AK5: variants seen among roughly 807,000 people sequenced by gnomAD.
AK5 encodes adenylate kinase isoenzyme 5.
Under a neutral mutation model 69.5 loss-of-function variants are expected in AK5, and 27 were observed. That is an observed-to-expected ratio of 0.39 (90% confidence interval 0.29 to 0.54). The LOEUF (loss-of-function observed/expected upper bound fraction) is 0.54, where lower values mean the gene tolerates loss of function less well. Among genes scored for constraint, AK5 ranks in the 20% least tolerant of loss-of-function variants. The probability of loss-of-function intolerance (pLI) is 0.71; values close to 1 mark genes in which losing one functional copy is unlikely to be tolerated. For missense variants in AK5, 531 were observed against 700.4 expected, an observed-to-expected ratio of 0.76 and a Z score of 2.73; for synonymous variants, 260 against 244.4, an observed-to-expected ratio of 1.06 and a Z score of -0.60.
chr1:77,464,295 G>A (rs969823124), intron 8 of AK5, among the ~76,000 whole-genome samples: 1 of 152,106 alleles, frequency 6.6e-6, no homozygotes, highest in Non-Finnish European at 1.5e-5. Flanking sequence ...GAAGAGGAGG[G>A]GCCAGGCTCC....
intron 5 of AK5, among the ~76,000 whole-genome samples, chr1:77,327,631 A>G (rs1050112004): frequency 6.6e-6 from 1 of 152,228 alleles, no homozygotes; most frequent in Non-Finnish European, 1.5e-5. Context: ...AGGCAGGCAT[A>G]GCTCACCCCA....
chr1:77,558,035 T>TTTAAG (rs112286280), intron 13 of AK5, among the ~76,000 whole-genome samples: 3,353 of 152,232 alleles, frequency 0.022, 85 homozygotes, highest in South Asian at 0.1. Context: ...GTAATATATA[T>TTTAAG]TTAAGTTTAG....
intron 13 of AK5, among the ~76,000 whole-genome samples, chr1:77,541,911 C>T (rs1659293945): frequency 2.0e-5 from 3 of 152,194 alleles, no homozygotes; most frequent in Non-Finnish European, 4.4e-5. Context: ...TGTGGACAGG[C>T]AGCTGGGGTC....
intron 1 of AK5, among the ~76,000 whole-genome samples, chr1:77,286,381 A>T (rs1295100080): frequency 2.0e-5 from 3 of 149,576 alleles, no homozygotes; most frequent in Admixed American, 1.4e-4. Context: ...TAGTTGCCTG[A>T]ATTGCTTAAG....
At chr1:77,321,716 A>G (rs1405877930) in intron 5 of AK5, among the ~76,000 whole-genome samples, 1 of 152,176 alleles carries the variant, frequency 6.6e-6, no homozygotes, top group African/African-American at 2.4e-5. Context: ...GGCTTTTACC[A>G]TTTCTATTTA....
intron 1 of AK5, chr1:77,282,973 G>A (rs41292256): frequency 0.022 from 21,283 of 985,580 alleles, 279 homozygotes; most frequent in Non-Finnish European, 0.023. Context: ...TCCTGAGCAC[G>A]TTTTTCCCGT....
chr1:77,483,462 AC>A, intron 9 of AK5, 103 bp downstream of exon 9: 1 of 941,242 alleles, frequency 1.1e-6, no homozygotes, highest in Non-Finnish European at 1.7e-6. Context: ...TAACAGCATC[AC>A]TTTTTCCTTG....
intron 12 of AK5, among the ~76,000 whole-genome samples, chr1:77,522,567 A>G (rs371592310): frequency 8.5e-5 from 13 of 152,088 alleles, no homozygotes; most frequent in African/African-American, 3.1e-4. Context: ...AATCAGAACT[A>G]CACACCACCC....
At chr1:77,554,771 A>ATTTTTTTTTTTTTT (rs1230738530) in intron 13 of AK5, among the ~76,000 whole-genome samples, 1 of 119,688 alleles carries the variant, frequency 8.4e-6, no homozygotes, top group Non-Finnish European at 1.7e-5. Flanking sequence ...ATGCCCGGCT[A>ATTTTTTTTTTTTTT]TTTTTTTTTT....
chr1:77,506,859 C>T (rs980761391), intron 10 of AK5, among the ~76,000 whole-genome samples: 4 of 152,078 alleles, frequency 2.6e-5, no homozygotes, highest in Non-Finnish European at 5.9e-5. Context: ...ATTAGTTGGG[C>T]GTGGTGGCAC....
intron 5 of AK5, among the ~76,000 whole-genome samples, chr1:77,312,300 G>A (rs1660004560): frequency 6.6e-6 from 1 of 152,162 alleles, no homozygotes; most frequent in East Asian, 1.9e-4. Flanking sequence ...TATCAACTCT[G>A]CCTTCTAAGA....
At chr1:77,386,983 C>T (rs765538247) in intron 6 of AK5, among the ~76,000 whole-genome samples, 13 of 152,090 alleles carry the variant, frequency 8.5e-5, no homozygotes, top group African/African-American at 1.9e-4. Flanking sequence ...CTCAAGATAA[C>T]GACCTCCAGT....
At chr1:77,481,997 T>C (rs1655281262) in intron 8 of AK5, among the ~76,000 whole-genome samples, 2 of 152,222 alleles carry the variant, frequency 1.3e-5, no homozygotes, top group East Asian at 1.9e-4. Context: ...TCTGTACTTA[T>C]ATGGAAATTT....
intron 10 of AK5, among the ~76,000 whole-genome samples, chr1:77,492,603 A>G (rs1172280157): frequency 6.6e-6 from 1 of 152,232 alleles, no homozygotes; most frequent in Non-Finnish European, 1.5e-5. Flanking sequence ...GTGCCTTTCC[A>G]AGCAAATAAC....
intron 3 of AK5, 110 bp from the exon 4 acceptor site, chr1:77,297,449 C>A: frequency 1.0e-6 from 1 of 984,416 alleles, no homozygotes; most frequent in Non-Finnish European, 1.5e-6. Flanking sequence ...AACTGTTAAC[C>A]ACCCTGTCTT....
chr1:77,495,137 C>T (rs962355405), intron 10 of AK5, among the ~76,000 whole-genome samples: 6 of 152,106 alleles, frequency 3.9e-5, no homozygotes, highest in African/African-American at 1.4e-4. Flanking sequence ...TCATATTCTT[C>T]CCCATTTTAC....
intron 10 of AK5, among the ~76,000 whole-genome samples, chr1:77,510,004 A>G (rs1313594517): frequency 6.6e-6 from 1 of 152,232 alleles, no homozygotes; most frequent in Non-Finnish European, 1.5e-5. Context: ...AAGAGGTTGA[A>G]GCTCAGAGCA....
At chr1:77,333,118 A>G (rs1661173190) in intron 5 of AK5, among the ~76,000 whole-genome samples, 2 of 152,134 alleles carry the variant, frequency 1.3e-5, no homozygotes, top group Admixed American at 6.6e-5. Flanking sequence ...GTATAGTTTT[A>G]CGAGCTTTCT....
chr1:77,297,037 G>T (rs1659047332), intron 3 of AK5, among the ~76,000 whole-genome samples: 1 of 152,132 alleles, frequency 6.6e-6, no homozygotes, highest in South Asian at 2.1e-4. Flanking sequence ...GAATTCAAAG[G>T]ATATAAGGCA....
Sources: allele counts gnomAD v4.1 joint callset (sites outside exome capture counted in the v4.1 genomes callset), GRCh38; gene constraint gnomAD v4.1.1; transcripts MANE v1.5; gene names NCBI Gene and HGNC (gene_info 2026-07-23, HGNC 2026-07-21).